The following MYO3B variants were observed in gnomAD, a reference collection of about 807,000 sequenced individuals.
MYO3B encodes myosin-IIIb.
MYO3B carries 156 observed loss-of-function variants against 174.6 expected under a neutral mutation model. The observed-to-expected ratio is 0.89, with a 90% CI of 0.78 to 1.02. The LOEUF (loss-of-function observed/expected upper bound fraction) is 1.02. Among genes scored for constraint, MYO3B ranks in the 50% least tolerant of loss-of-function variants. MYO3B has a pLI of 0.00. For missense variants in MYO3B, 1,632 were observed against 1,639.4 expected (o/e 1.00, Z 0.08); for synonymous variants, 563 against 569.1 (o/e 0.99, Z 0.15).
intron 3 of MYO3B, among the ~76,000 whole-genome samples, chr2:170,211,495 C>A (rs2092769945): frequency 1.3e-5 from 2 of 152,190 alleles, no homozygotes; most frequent in African/African-American, 4.8e-5. Context: ...GTTATTATTT[C>A]ACTGTGAGCG....
At chr2:170,452,041 T>A (rs1182707295) in intron 23 of MYO3B, among the ~76,000 whole-genome samples, 1 of 152,110 alleles carries the variant, frequency 6.6e-6, no homozygotes, top group East Asian at 1.9e-4. Flanking sequence ...GGTGGGGATG[T>A]TTGCACACCT....
chr2:170,361,923 CAGTT>C (rs1468123152), intron 8 of MYO3B, among the ~76,000 whole-genome samples: 2 of 152,172 alleles, frequency 1.3e-5, no homozygotes, highest in South Asian at 4.1e-4. Flanking sequence ...AGAACATAGT[CAGTT>C]AGTCTGGGCT....
At chr2:170,208,395 T>C (rs2092736204) in intron 3 of MYO3B, among the ~76,000 whole-genome samples, 1 of 152,188 alleles carries the variant, frequency 6.6e-6, no homozygotes, top group South Asian at 2.1e-4. Context: ...TGTAGGTGCA[T>C]GGGGCTTGGC....
intron 30 of MYO3B, among the ~76,000 whole-genome samples, chr2:170,525,949 A>G (rs190603496): frequency 6.6e-6 from 1 of 152,336 alleles, no homozygotes; most frequent in East Asian, 1.9e-4. Context: ...CAGTGTGGTC[A>G]AGTTAGTGCA....
intron 32 of MYO3B, among the ~76,000 whole-genome samples, chr2:170,544,566 C>T (rs1690349337): frequency 6.6e-6 from 1 of 152,236 alleles, no homozygotes; most frequent in South Asian, 2.1e-4. Flanking sequence ...ATACTAAGGA[C>T]TACGTGAACC....
intron 7 of MYO3B, among the ~76,000 whole-genome samples, chr2:170,315,010 T>A (rs2093765083): frequency 6.6e-6 from 1 of 152,234 alleles, no homozygotes; most frequent in South Asian, 2.1e-4. Context: ...TTGTACTGGG[T>A]GATTACGGAC....
chr2:170,280,968 T>C (rs1461216114), intron 7 of MYO3B, among the ~76,000 whole-genome samples: 1 of 152,206 alleles, frequency 6.6e-6, no homozygotes, highest in African/African-American at 2.4e-5. Flanking sequence ...GGCTCTTTTT[T>C]AGTACCATAT....
intron 28 of MYO3B, among the ~76,000 whole-genome samples, chr2:170,507,046 C>T (rs1406293131): frequency 6.6e-6 from 1 of 152,186 alleles, no homozygotes; most frequent in Non-Finnish European, 1.5e-5. Context: ...AACTCACTGT[C>T]TTTATCAGAG....
At chr2:170,319,170 G>T (rs985118381) in intron 7 of MYO3B, among the ~76,000 whole-genome samples, 3 of 152,142 alleles carry the variant, frequency 2.0e-5, no homozygotes, top group Admixed American at 2.0e-4. Context: ...TTCTCAAACT[G>T]CACTATGAGT....
intron 32 of MYO3B, among the ~76,000 whole-genome samples, chr2:170,548,856 A>G (rs1047196920): frequency 7.2e-5 from 11 of 152,312 alleles, no homozygotes; most frequent in Admixed American, 6.5e-4. Flanking sequence ...TTAATGTGCC[A>G]GATTCTCTGT....
At chr2:170,263,076 T>G (rs1205171107) in intron 7 of MYO3B, among the ~76,000 whole-genome samples, 1 of 152,192 alleles carries the variant, frequency 6.6e-6, no homozygotes, top group Non-Finnish European at 1.5e-5. Context: ...GCAGGAGATC[T>G]TAGAACCAGA....
chr2:170,502,068 C>T (rs1687308203), intron 28 of MYO3B, among the ~76,000 whole-genome samples: 1 of 152,164 alleles, frequency 6.6e-6, no homozygotes, highest in African/African-American at 2.4e-5. Context: ...CTGTTTGCCA[C>T]ACTTGGCTAA....
chr2:170,212,232 A>C (rs2092778993), intron 3 of MYO3B, among the ~76,000 whole-genome samples: 1 of 140,196 alleles, frequency 7.1e-6, no homozygotes. Flanking sequence ...AAAAACAGTG[A>C]AACTCCCTCT....
At chr2:170,407,094 T>G (rs758526257) in intron 21 of MYO3B, among the ~76,000 whole-genome samples, 15 of 152,338 alleles carry the variant, frequency 9.8e-5, no homozygotes, top group Middle Eastern at 6.8e-3. Context: ...ATAGGATGGA[T>G]GCTTTGCACA....
rs532416636 is a variant in MYO3B, at chr2:170,321,228, T to C, written c.750-14157T>C. Among the ~76,000 whole-genome samples the C allele has an allele frequency of 2.6e-5, 4 of 152,154 alleles. No homozygotes were observed. The East Asian group carries it at 7.7e-4, about 29-fold the overall frequency. On this transcript the variant is annotated intron_variant, in intron 7 of 34. Coordinates refer to ENST00000408978, the MANE Select transcript of MYO3B (RefSeq NM_138995.5). ...ATGATCCAGAAAGAATGAAAGCAAA[T>C]GAATTAAGCTTTCCACCCAAGAAAT... is the stretch of plus-strand genomic sequence containing the variant.
intron 7 of MYO3B, among the ~76,000 whole-genome samples, chr2:170,237,504 G>A (rs1225500793): frequency 6.8e-6 from 1 of 147,444 alleles, no homozygotes; most frequent in African/African-American, 2.6e-5. Context: ...GGTGATAAAT[G>A]TGAGGCAGCA....
chr2:170,467,675 G>A (rs1684728346), intron 25 of MYO3B, among the ~76,000 whole-genome samples: 1 of 152,040 alleles, frequency 6.6e-6, no homozygotes, highest in African/African-American at 2.4e-5. Context: ...GCCATCCTTA[G>A]TGTCTTTTTA....
At chr2:170,626,622 G>A (rs1365122309) in intron 32 of MYO3B, among the ~76,000 whole-genome samples, 2 of 152,128 alleles carry the variant, frequency 1.3e-5, no homozygotes, top group Admixed American at 6.5e-5. Context: ...CTCATTAGTT[G>A]ATGCAGTTTC....
chr2:170,541,580 A>T lies in MYO3B; in HGVS notation c.3576-1326A>T, dbSNP rs373769198. ...TTAAATATTTAAAAGCATTTTTTTT[A>T]AATGAAGTAGTATATAAATGATAGT... On this transcript the variant is annotated intron_variant, in intron 30 of 34. Transcript: ENST00000408978. Among the ~76,000 whole-genome samples the T allele has an allele frequency of 1.2e-3, 182 of 152,304 alleles. 2 individuals are homozygous for T. The highest frequency in any genetic ancestry group is 4.2e-3 in the African/African-American group (173 of 41,564).
Sources: gnomAD v4.1 joint callset for allele counts (sites outside exome capture counted in the v4.1 genomes callset) on GRCh38, gnomAD v4.1.1 for gene constraint, MANE v1.5 for transcripts, NCBI Gene and HGNC (gene_info 2026-07-23, HGNC 2026-07-21) for gene names.